Variants in SOD2 observed in about 807,000 individuals in gnomAD.
SOD2 encodes superoxide dismutase 2.
A neutral mutation model predicts 27.0 loss-of-function variants in SOD2; 11 were observed. The observed-to-expected ratio is 0.41, with a 90% CI of 0.26 to 0.67. The LOEUF (loss-of-function observed/expected upper bound fraction) is 0.67. Ranked by LOEUF, SOD2 falls within the 30% of genes least tolerant of loss-of-function variation. The probability of loss-of-function intolerance (pLI) is 0.34; values close to 1 mark genes in which losing one functional copy is unlikely to be tolerated. For synonymous variants in SOD2, 105 were observed against 103.0 expected, an observed-to-expected ratio of 1.02 and a Z score of -0.12; for missense variants, 250 against 274.5, an observed-to-expected ratio of 0.91 and a Z score of 0.63.
intron 1 of SOD2, among the ~76,000 whole-genome samples, chr6:159,732,886 A>AGT (rs67554039): frequency 0.14 from 21,016 of 146,222 alleles, 1,634 homozygotes; most frequent in East Asian, 0.34. Context: ...ATATATATAT[A>AGT]GTGTGTGTGT....
intron 1 of SOD2, among the ~76,000 whole-genome samples, chr6:159,717,719 C>T (rs2114833463): frequency 6.6e-6 from 1 of 152,268 alleles, no homozygotes; most frequent in South Asian, 2.1e-4. Flanking sequence ...CTCCCTACCC[C>T]TACCCTTTCC....
chr6:159,746,839 TG>T (rs1012482789), upstream of SOD2, among the ~76,000 whole-genome samples: 37 of 152,346 alleles, frequency 2.4e-4, no homozygotes, highest in African/African-American at 8.7e-4. Flanking sequence ...TATTCTAGTC[TG>T]ATTCACCTCT....
At chr6:159,748,030 T>C (rs979583258), upstream of SOD2, among the ~76,000 whole-genome samples, 2 of 152,226 alleles carry the variant, frequency 1.3e-5, no homozygotes, top group African/African-American at 4.8e-5. The surrounding 1 kb of genome is among the most constrained non-coding windows in gnomAD (Gnocchi z 5.6). Flanking sequence ...GTCTGTACTT[T>C]TTCTAGAAAG....
intron 1 of SOD2, among the ~76,000 whole-genome samples, chr6:159,699,870 A>G (rs1777494108): frequency 6.6e-6 from 1 of 152,144 alleles, no homozygotes; most frequent in African/African-American, 2.4e-5. Context: ...GTGGCCTCGC[A>G]TACCACCCAG....
chr6:159,761,621 G>A (rs1281475963), exon 1 of SOD2: 1 of 456,070 alleles, frequency 2.2e-6, no homozygotes, highest in East Asian at 7.0e-5. Context: ...CTCGCCCGTG[G>A]GATTCCAGTC....
intron 1 of SOD2, among the ~76,000 whole-genome samples, chr6:159,754,145 T>C (rs760401967): frequency 6.6e-6 from 1 of 152,204 alleles, no homozygotes; most frequent in East Asian, 1.9e-4. Flanking sequence ...GTAAGGTGCA[T>C]TATTAATAAG....
intron 1 of SOD2, among the ~76,000 whole-genome samples, chr6:159,707,338 T>C (rs1180665959): frequency 6.6e-6 from 1 of 152,104 alleles, no homozygotes; most frequent in Non-Finnish European, 1.5e-5. Context: ...GAAGCTGGTT[T>C]TCTGGAAAGA....
chr6:159,727,715 C>T, upstream of SOD2: 4 of 983,332 alleles, frequency 4.1e-6, no homozygotes, highest in South Asian at 4.7e-5. Flanking sequence ...TAGGCGCGGG[C>T]CGGCTGGCGG....
At chr6:159,753,543 G>A in intron 1 of SOD2, 8 of 1,614,170 alleles carry the variant, frequency 5.0e-6, no homozygotes, top group South Asian at 1.1e-5. Flanking sequence ...TCCCAGGGAC[G>A]TATTGCACAA....
chr6:159,727,758 G>T (rs1449386092), upstream of SOD2: 6 of 980,390 alleles, frequency 6.1e-6, no homozygotes, highest in Non-Finnish European at 7.3e-6. Context: ...GGGCCTGAGG[G>T]CTGATGCGCA....
upstream of SOD2, among the ~76,000 whole-genome samples, chr6:159,694,168 G>C (rs1461570867): frequency 6.6e-6 from 1 of 152,162 alleles, no homozygotes; most frequent in African/African-American, 2.4e-5. Flanking sequence ...TAACATAAAA[G>C]GACAACAGAG....
rs879752018 is a variant in SOD2, at chr6:159,699,560, G to GA, written c.-115-6698dup. ...CCTCTTCCCCATTACTACTCCACGA[G>GA]AAAAAAAAAAACAAACATGGTCACT... On this transcript the variant is annotated intron_variant, in intron 1 of 2. Coordinates refer to the SOD2 transcript ENST00000401980. Among the ~76,000 whole-genome samples the GA allele has an allele frequency of 5.7e-3, 819 of 144,250 alleles. 3 individuals carry two copies. Among genetic ancestry groups the GA allele is most frequent in the African/African-American group, 0.017 (659 of 39,546 alleles). The allele number at this position is 144,250 out of a possible 152,430, so 94.6% of individuals were successfully genotyped here.
chr6:159,738,901 TCA>T (rs2114908317), intron 1 of SOD2: 2 of 961,686 alleles, frequency 2.1e-6, no homozygotes, highest in East Asian at 5.1e-5. Context: ...CGTTTAAATC[TCA>T]CACTTGGGAG....
Position 159,676,760 on chromosome 6 carries a change from T to G in SOD2, c.*5733A>C, listed in dbSNP as rs888922904. 7.2e-5 allele frequency: 11 copies of G among 151,824 alleles called. No individual in the cohort carries two copies. Among genetic ancestry groups the G allele is most frequent in the African/African-American group, 2.7e-4 (11 of 41,306 alleles). 9.4% of individuals were successfully genotyped at this position (151,824 alleles called of 1,614,324 possible). A position where few individuals can be genotyped will look rare whatever the true frequency, so the allele number is the denominator to read the frequency against. ...AAAGTATAATTTAAAAATAAATAAG[T>G]AAAAAATAAAATGCCAGAGTTGGCA... is the stretch of plus-strand genomic sequence containing the variant. On this transcript the variant is annotated 3_prime_UTR_variant, in exon 5 of 5. Coordinates refer to ENST00000538183, the MANE Select transcript of SOD2 (RefSeq NM_000636.4).
intron 1 of SOD2, among the ~76,000 whole-genome samples, chr6:159,742,796 C>G (rs1779339473): frequency 6.6e-6 from 1 of 152,006 alleles, no homozygotes; most frequent in Admixed American, 6.6e-5. Context: ...TGGCTCACAC[C>G]TATAATCCCA....
At chr6:159,740,480 C>T (rs976270339) in intron 1 of SOD2, among the ~76,000 whole-genome samples, 1 of 152,074 alleles carries the variant, frequency 6.6e-6, no homozygotes, top group Non-Finnish European at 1.5e-5. Flanking sequence ...TTGTGATATA[C>T]ATGTTCTTGC....
chr6:159,687,311 C>T (rs532205332), intron 3 of SOD2, among the ~76,000 whole-genome samples: 6 of 151,910 alleles, frequency 3.9e-5, no homozygotes, highest in African/African-American at 1.2e-4. Flanking sequence ...ATGGTGAAAC[C>T]CTGTCTCTAC....
At chr6:159,720,329 C>G (rs374023660) in intron 1 of SOD2, 2 of 152,322 alleles carry the variant, frequency 1.3e-5, no homozygotes, top group East Asian at 1.9e-4. Context: ...GGATTACAGG[C>G]GTAAGCCACC....
Position 159,681,261 on chromosome 6 carries a change from G to A in SOD2, c.*1232C>T, listed in dbSNP as rs1779951213. 6.6e-6 allele frequency: 1 copy of A among 151,940 alleles called. No individual in the cohort carries two copies. Among genetic ancestry groups the A allele is most frequent in the South Asian group, 2.1e-4 (1 of 4,798 alleles). 9.4% of individuals were successfully genotyped at this position (151,940 alleles called of 1,614,324 possible). ...CAGGCACCCAGCTCGCCCCGAGAAG[G>A]AAACCAGCAAGCTGATAAGCAAGAA... On this transcript the variant is annotated 3_prime_UTR_variant, in exon 5 of 5. Transcript: ENST00000538183.
Sources: allele counts gnomAD v4.1 joint callset (sites outside exome capture counted in the v4.1 genomes callset), GRCh38; gene constraint gnomAD v4.1.1; non-coding constraint Gnocchi (gnomAD v3.1); transcripts MANE v1.5; gene names NCBI Gene and HGNC (gene_info 2026-07-23, HGNC 2026-07-21).